Variants in KCNN2 observed in about 807,000 individuals in gnomAD.
The protein encoded by KCNN2 is potassium calcium-activated channel subfamily N member 2.
A neutral mutation model predicts 55.5 loss-of-function variants in KCNN2; 24 were observed. The ratio of observed to expected loss-of-function variants is 0.43; its 90% CI spans 0.31 to 0.61. The LOEUF (loss-of-function observed/expected upper bound fraction) is 0.61. KCNN2 is among the 20% of genes least tolerant of loss of function. KCNN2 has a pLI of 0.08. For synonymous variants in KCNN2, 431 were observed against 336.1 expected (o/e 1.28, Z -3.09); for missense variants, 754 against 853.6 (o/e 0.88, Z 1.45).
At chr5:114,150,296 A>C (rs1239769835) in intron 1 of KCNN2, among the ~76,000 whole-genome samples, 1 of 152,222 alleles carries the variant, frequency 6.6e-6, no homozygotes, top group African/African-American at 2.4e-5. Context: ...GTACCAAAAC[A>C]GAGATATAGA....
At chr5:114,282,726 C>T (rs374185010) in intron 2 of KCNN2, among the ~76,000 whole-genome samples, 3 of 151,982 alleles carry the variant, frequency 2.0e-5, no homozygotes, top group Admixed American at 6.6e-5. Flanking sequence ...TCTTCTTTTT[C>T]CTGTTCTCTA....
At chr5:114,251,625 A>C (rs1754862622) in intron 2 of KCNN2, among the ~76,000 whole-genome samples, 1 of 152,140 alleles carries the variant, frequency 6.6e-6, no homozygotes, top group African/African-American at 2.4e-5. Flanking sequence ...TAAGTTCTTG[A>C]CTTTGAAATA....
rs568354727 is a variant in KCNN2 at position 114,463,623 on chromosome 5, A to ATGTT, written c.1779+438_1779+441dup. On this transcript the variant is annotated intron_variant, in intron 4 of 7. Coordinates refer to ENST00000673685, the MANE Select transcript of KCNN2 (RefSeq NM_021614.4). ...TATTTATTTTTCTTTCTTTTAACAA[A>ATGTT]TGTTTGTTGAGTGCTAGGCACTGGC... Among the ~76,000 whole-genome samples, 11 of 152,322 alleles carry ATGTT rather than the reference A, an allele frequency of 7.2e-5. No homozygotes were observed. The East Asian group carries it at 1.3e-3, about 19-fold the overall frequency.
At chr5:114,166,554 C>A (rs1258394123) in intron 1 of KCNN2, among the ~76,000 whole-genome samples, 2 of 152,068 alleles carry the variant, frequency 1.3e-5, no homozygotes, top group Non-Finnish European at 2.9e-5. Flanking sequence ...GTCTATGTTA[C>A]CTTGTTACTT....
intron 2 of KCNN2, among the ~76,000 whole-genome samples, chr5:114,269,494 CTTT>C (rs67045907): frequency 3.5e-4 from 51 of 144,132 alleles, no homozygotes; most frequent in Non-Finnish European, 4.1e-4. Flanking sequence ...TGGTTCTCAC[CTTT>C]TTTTTTTTTT....
intron 1 of KCNN2, among the ~76,000 whole-genome samples, chr5:114,108,049 A>T (rs1048959138): frequency 6.6e-6 from 1 of 151,950 alleles, no homozygotes; most frequent in African/African-American, 2.4e-5. Flanking sequence ...TTTGTATTTT[A>T]TGTTATCTAA....
chr5:114,130,084 A>G (rs939276986), intron 1 of KCNN2, among the ~76,000 whole-genome samples: 1 of 152,226 alleles, frequency 6.6e-6, no homozygotes, highest in Non-Finnish European at 1.5e-5. Context: ...CCTCCCTAGT[A>G]TACCAGCTCC....
intron 2 of KCNN2, among the ~76,000 whole-genome samples, chr5:114,256,111 G>T (rs2150002234): frequency 6.6e-6 from 1 of 152,070 alleles, no homozygotes; most frequent in African/African-American, 2.4e-5. Context: ...TTGGCTTTCT[G>T]TTTCTGAGTA....
chr5:114,482,493 G>A lies in KCNN2; in HGVS notation c.1891-4557G>A, dbSNP rs528527250. 2.6e-5 allele frequency among the ~76,000 whole-genome samples: 4 copies of A among 152,126 alleles called. No homozygotes were observed. In the South Asian group the frequency reaches 8.3e-4, roughly 32 times the overall value. ...ATGACAATTAAGGACCTAGATGCAGGAATACCATTTGACCCAGCAATCTCA... is the reference window on the plus strand; with the variant it reads ...ATGACAATTAAGGACCTAGATGCAGAAATACCATTTGACCCAGCAATCTCA... On this transcript the variant is annotated intron_variant, in intron 5 of 7. Transcript: ENST00000673685.
At chr5:114,326,356 G>A (rs1343624885) in intron 2 of KCNN2, among the ~76,000 whole-genome samples, 1 of 152,192 alleles carries the variant, frequency 6.6e-6, no homozygotes, top group Non-Finnish European at 1.5e-5. Context: ...CGATCTGAGG[G>A]CAGTAAGAAG....
At chr5:114,405,587 C>G (rs1228220112) in intron 3 of KCNN2, among the ~76,000 whole-genome samples, 4 of 152,082 alleles carry the variant, frequency 2.6e-5, no homozygotes, top group Non-Finnish European at 5.9e-5. Context: ...AGAGTACCCT[C>G]ACATGACCTT....
intron 3 of KCNN2, among the ~76,000 whole-genome samples, chr5:114,417,347 C>G (rs1232932494): frequency 1.3e-5 from 2 of 152,120 alleles, no homozygotes; most frequent in Non-Finnish European, 2.9e-5. Flanking sequence ...ACTGTGCTTT[C>G]TACTATTTAG....
chr5:114,285,802 T>C (rs1035206659), intron 2 of KCNN2, among the ~76,000 whole-genome samples: 34 of 151,996 alleles, frequency 2.2e-4, no homozygotes, highest in South Asian at 8.3e-4. Context: ...GTATGTAAAA[T>C]AACTCAATAT....
chr5:114,322,301 T>C (rs1057316510), intron 2 of KCNN2, among the ~76,000 whole-genome samples: 7 of 152,180 alleles, frequency 4.6e-5, no homozygotes, highest in Non-Finnish European at 1.5e-5. Context: ...TAATGTCTAG[T>C]AAGTAGAGAA....
At chr5:114,186,962 C>G (rs1753346376) in intron 1 of KCNN2, among the ~76,000 whole-genome samples, 1 of 152,094 alleles carries the variant, frequency 6.6e-6, no homozygotes, top group African/African-American at 2.4e-5. Context: ...GATAATCTCC[C>G]TATGAACATG....
At chr5:114,410,397 GA>G (rs1377944313) in intron 3 of KCNN2, among the ~76,000 whole-genome samples, 1 of 152,146 alleles carries the variant, frequency 6.6e-6, no homozygotes, top group Non-Finnish European at 1.5e-5. Flanking sequence ...GTTACACAAA[GA>G]AAGGAGTTTT....
intron 2 of KCNN2, among the ~76,000 whole-genome samples, chr5:114,344,157 G>A (rs1247896277): frequency 6.6e-6 from 1 of 152,120 alleles, no homozygotes; most frequent in African/African-American, 2.4e-5. Context: ...AGACTGCCAG[G>A]TTGGCCCAAA....
chr5:114,242,004 G>A (rs534690271), intron 2 of KCNN2, among the ~76,000 whole-genome samples: 1 of 151,258 alleles, frequency 6.6e-6, no homozygotes, highest in East Asian at 1.9e-4. Flanking sequence ...CAATTTCATG[G>A]ATCAGTGTGT....
chr5:114,164,049 A>G (rs1025112129), intron 1 of KCNN2, among the ~76,000 whole-genome samples: 3 of 152,300 alleles, frequency 2.0e-5, no homozygotes, highest in East Asian at 3.9e-4. Context: ...CTGATTGTCA[A>G]TATGAGTGAA....
Sources: allele counts gnomAD v4.1 joint callset (sites outside exome capture counted in the v4.1 genomes callset), GRCh38; gene constraint gnomAD v4.1.1; transcripts MANE v1.5; gene names NCBI Gene and HGNC (gene_info 2026-07-23, HGNC 2026-07-21).